The following SETD3 variants were observed in gnomAD, a reference collection of about 807,000 sequenced individuals.
SETD3 encodes SET domain containing 3, actin N3(tau)-histidine methyltransferase, also known as actin-histidine N-methyltransferase.
A neutral mutation model predicts 63.0 loss-of-function variants in SETD3; 19 were observed. The observed-to-expected ratio is 0.30, with a 90% CI of 0.21 to 0.44. The LOEUF (loss-of-function observed/expected upper bound fraction) is 0.44, where lower values mean the gene tolerates loss of function less well. Ranked by LOEUF, SETD3 falls within the 20% of genes least tolerant of loss-of-function variation. The pLI, the probability that SETD3 is intolerant of heterozygous loss-of-function variation, is 1.00. For synonymous variants in SETD3, 286 were observed against 264.1 expected, an observed-to-expected ratio of 1.08 and a Z score of -0.80; for missense variants, 587 against 728.5, an observed-to-expected ratio of 0.81 and a Z score of 2.24.
chr14:99,438,825 C>G (rs140882538), intron 6 of SETD3, among the ~76,000 whole-genome samples: 2 of 152,226 alleles, frequency 1.3e-5, no homozygotes, highest in African/African-American at 2.4e-5. Flanking sequence ...TCCCTCTCAC[C>G]GTGAACAGGC....
At chr14:99,408,051 C>G (rs1891783891) in intron 8 of SETD3, among the ~76,000 whole-genome samples, 1 of 152,190 alleles carries the variant, frequency 6.6e-6, no homozygotes, top group South Asian at 2.1e-4. Context: ...CTCATTTTAT[C>G]CTGGAGAATC....
In SETD3 at chr14:99,398,470, T is replaced by C; in HGVS notation, c.*209A>G. 1.8e-6 allele frequency: 1 copy of C among 564,234 alleles called. No individual in the cohort carries two copies. 35.0% of individuals were successfully genotyped at this position (564,234 alleles called of 1,614,324 possible). A position where few individuals can be genotyped will look rare whatever the true frequency, so the allele number is the denominator to read the frequency against. On this transcript the variant is annotated 3_prime_UTR_variant, in exon 13 of 13. Coordinates refer to ENST00000331768, the MANE Select transcript of SETD3 (RefSeq NM_032233.3). ...TTCTTGTGGTTGTTTGTTAATTGGT[T>C]TGTTTTGCCTAAAAGCAAGATGGCA...
At chr14:99,415,144 T>G (rs1257260) in intron 6 of SETD3, among the ~76,000 whole-genome samples, 3 of 152,220 alleles carry the variant, frequency 2.0e-5, no homozygotes, top group African/African-American at 7.2e-5. Flanking sequence ...AAAATGAAAC[T>G]TCGCATTACC....
chr14:99,412,787 T>C, intron 8 of SETD3, 164 bp downstream of exon 8: 1 of 585,736 alleles, frequency 1.7e-6, no homozygotes, highest in South Asian at 2.2e-5. Flanking sequence ...TACCAGCTTC[T>C]ATCTGTGGGC....
At chr14:99,427,696 G>A (rs957958315) in intron 6 of SETD3, among the ~76,000 whole-genome samples, 8 of 152,182 alleles carry the variant, frequency 5.3e-5, no homozygotes, top group Non-Finnish European at 1.0e-4. Flanking sequence ...TGCACTGTGT[G>A]TCTGCTGCGT....
chr14:99,477,688 C>T (rs375836787), intron 1 of SETD3, among the ~76,000 whole-genome samples: 20 of 139,896 alleles, frequency 1.4e-4, no homozygotes, highest in African/African-American at 5.1e-4. Context: ...GCAGAGGTTG[C>T]GGTGAGCCGA....
At chr14:99,406,311 C>G (rs1331593109) in intron 9 of SETD3, among the ~76,000 whole-genome samples, 1 of 152,188 alleles carries the variant, frequency 6.6e-6, no homozygotes, top group Non-Finnish European at 1.5e-5. Flanking sequence ...GGACCCAAAG[C>G]ACAATGCAAA....
intron 1 of SETD3, among the ~76,000 whole-genome samples, chr14:99,476,574 AAAC>A (rs1438868750): frequency 6.6e-6 from 1 of 152,236 alleles, no homozygotes; most frequent in South Asian, 2.1e-4. Flanking sequence ...AAATTTTTAC[AAAC>A]AACAAATCAA....
intron 6 of SETD3, among the ~76,000 whole-genome samples, chr14:99,421,915 T>C (rs1429487433): frequency 6.6e-6 from 1 of 152,170 alleles, no homozygotes; most frequent in Non-Finnish European, 1.5e-5. Flanking sequence ...ATAAAATCAA[T>C]ATATTTTTGC....
chr14:99,401,744 G>A (rs971736803), intron 11 of SETD3, among the ~76,000 whole-genome samples: 3 of 152,116 alleles, frequency 2.0e-5, no homozygotes, highest in African/African-American at 7.2e-5. Context: ...TTTCTTAGTG[G>A]CTGAAAGTTC....
intron 6 of SETD3, among the ~76,000 whole-genome samples, chr14:99,448,827 C>G (rs992760852): frequency 6.6e-6 from 1 of 152,198 alleles, no homozygotes; most frequent in African/African-American, 2.4e-5. Flanking sequence ...GAAAATGGCA[C>G]ACAGGAAGCA....
At chr14:99,422,935 A>G (rs1892667023) in intron 6 of SETD3, among the ~76,000 whole-genome samples, 2 of 152,214 alleles carry the variant, frequency 1.3e-5, no homozygotes, top group Non-Finnish European at 2.9e-5. Flanking sequence ...TGTGGACACC[A>G]GCAAGTCGCA....
chr14:99,409,304 A>C (rs1480238705), intron 8 of SETD3, among the ~76,000 whole-genome samples: 1 of 152,186 alleles, frequency 6.6e-6, no homozygotes, highest in Non-Finnish European at 1.5e-5. Context: ...GGGAGAAAAA[A>C]ATTTATATAT....
intron 1 of SETD3, among the ~76,000 whole-genome samples, chr14:99,474,640 G>T (rs1246679446): frequency 6.6e-6 from 1 of 152,086 alleles, no homozygotes; most frequent in South Asian, 2.1e-4. Flanking sequence ...CGAGGCGGAC[G>T]GATCGCCTGA....
intron 6 of SETD3, among the ~76,000 whole-genome samples, chr14:99,438,283 C>T (rs6575719): frequency 0.54 from 81,901 of 152,048 alleles, 23,118 homozygotes; most frequent in African/African-American, 0.7. Context: ...TTTCACAAGC[C>T]TATAATTTAA....
chr14:99,472,571 T>C (rs902783896), intron 1 of SETD3, among the ~76,000 whole-genome samples: 2 of 152,176 alleles, frequency 1.3e-5, no homozygotes, highest in Non-Finnish European at 2.9e-5. Context: ...ATGAAAAAAA[T>C]ATATTAAACA....
At chr14:99,437,230 G>C (rs1356794939) in intron 6 of SETD3, among the ~76,000 whole-genome samples, 1 of 152,180 alleles carries the variant, frequency 6.6e-6, no homozygotes, top group African/African-American at 2.4e-5. Flanking sequence ...GCTACCTCAA[G>C]AGTTCTGTTC....
At chr14:99,485,667 G>T (rs1896466923), upstream of SETD3, among the ~76,000 whole-genome samples, 1 of 152,028 alleles carries the variant, frequency 6.6e-6, no homozygotes, top group African/African-American at 2.4e-5. Context: ...ACTATTCCCT[G>T]TTACTCTCTT....
chr14:99,415,770 C>A (rs989890278), intron 6 of SETD3, among the ~76,000 whole-genome samples: 5 of 152,204 alleles, frequency 3.3e-5, no homozygotes, highest in Admixed American at 3.3e-4. Context: ...AAAAAAGATT[C>A]TGCCACTGAC....
Sources: allele counts gnomAD v4.1 joint callset (sites outside exome capture counted in the v4.1 genomes callset), GRCh38; gene constraint gnomAD v4.1.1; transcripts MANE v1.5; gene names NCBI Gene and HGNC (gene_info 2026-07-23, HGNC 2026-07-21).